The following MRPS25 variants were observed in gnomAD, a reference collection of about 807,000 sequenced individuals.
MRPS25 encodes the protein small ribosomal subunit protein mS25.
A neutral mutation model predicts 17.3 loss-of-function variants in MRPS25; 15 were observed. The observed-to-expected ratio is 0.87, with a 90% CI of 0.58 to 1.34. The LOEUF (loss-of-function observed/expected upper bound fraction) is 1.34, where lower values mean the gene tolerates loss of function less well. MRPS25 is among the 40% of genes most tolerant of loss of function. The pLI is 0.00. For missense variants in MRPS25, 225 were observed against 218.6 expected, an observed-to-expected ratio of 1.03 and a Z score of -0.19; for synonymous variants, 94 against 83.3, an observed-to-expected ratio of 1.13 and a Z score of -0.70.
At chr3:15,061,817 G>T (rs990548160) in intron 1 of MRPS25, among the ~76,000 whole-genome samples, 9 of 151,698 alleles carry the variant, frequency 5.9e-5, no homozygotes, top group Admixed American at 5.9e-4. Context: ...GAGCGCCTCT[G>T]CCCGGCCGCG....
rs2276753 is a variant in MRPS25 at position 15,065,004 on chromosome 3, G to T, written c.134+57C>A. 7.7e-4 allele frequency: 1,194 copies of T among 1,554,434 alleles called. 13 individuals carry two copies. The East Asian group carries it at 0.023, about 30-fold the overall frequency. On this transcript the variant is annotated intron_variant, in intron 1 of 3. Coordinates refer to ENST00000253686, the MANE Select transcript of MRPS25 (RefSeq NM_022497.5). ...AGCGACTCGGGACCTCACGTTACCA[G>T]CAGGCTGGCACGACTAGCAGGTTAC...
intron 2 of MRPS25, among the ~76,000 whole-genome samples, chr3:15,058,620 A>G (rs943206353): frequency 6.6e-6 from 1 of 152,248 alleles, no homozygotes; most frequent in Non-Finnish European, 1.5e-5. Flanking sequence ...CCTAGGGAAC[A>G]TGTGTTACAT....
chr3:15,058,128 A>G (rs925556733), intron 2 of MRPS25, among the ~76,000 whole-genome samples: 1 of 152,110 alleles, frequency 6.6e-6, no homozygotes, highest in Non-Finnish European at 1.5e-5. Context: ...CACCATCTTC[A>G]GCCTCCCAAA....
At chr3:15,045,543 G>A (rs2042418938), downstream of MRPS25, 1 of 151,254 alleles carries the variant, frequency 6.6e-6, no homozygotes, top group African/African-American at 2.4e-5. Context: ...GATCCTCTTG[G>A]CCTTACTTTG....
At chr3:15,044,928 A>G (rs542363295), downstream of MRPS25, 3 of 152,384 alleles carry the variant, frequency 2.0e-5, no homozygotes, top group South Asian at 6.2e-4. Context: ...ATTTAATTAT[A>G]TCATTTTATA....
At chr3:15,063,787 G>A (rs189853060) in intron 1 of MRPS25, among the ~76,000 whole-genome samples, 1 of 152,204 alleles carries the variant, frequency 6.6e-6, no homozygotes, top group African/African-American at 2.4e-5. Context: ...AGGGCCCTCT[G>A]GATAGGGCAT....
Position 15,053,288 on chromosome 3 carries a change from T to C in MRPS25, c.329+92A>G. ...TCTGGCGTTCACTGTCAGAGAATCT[T>C]ACCTCTCAACACCCTTCCCACACAC... On this transcript the variant is annotated intron_variant, in intron 3 of 3. Transcript: ENST00000253686. 4 of 1,580,442 alleles carry C rather than the reference T, an allele frequency of 2.5e-6. No homozygotes were observed. The South Asian group carries it at 4.6e-5, about 18-fold the overall frequency.
In MRPS25 at chr3:15,050,144, T is replaced by TAGCCTAC. The variant is rs2125130487; in HGVS notation, c.*2290_*2296dup. 1 of 1,349,714 alleles carries TAGCCTAC rather than the reference T, an allele frequency of 7.4e-7. No homozygotes were observed. The highest frequency in any genetic ancestry group is 1.5e-5 in the African/African-American group (1 of 65,120). 83.6% of individuals were successfully genotyped at this position (1,349,714 alleles called of 1,614,324 possible). A position where few individuals can be genotyped will look rare whatever the true frequency, so the allele number is the denominator to read the frequency against. On this transcript the variant is annotated 3_prime_UTR_variant, in exon 4 of 4. Coordinates refer to ENST00000253686, the MANE Select transcript of MRPS25 (RefSeq NM_022497.5). The stretch of plus-strand genomic sequence containing the variant: ...TAAAGAGAAACTATCCAGGATCAAG[T>TAGCCTAC]AGCCTACAGGGAACAAAAAAAGAAA...
At chr3:15,053,791 A>C (rs558794242) in intron 2 of MRPS25, among the ~76,000 whole-genome samples, 132 of 152,256 alleles carry the variant, frequency 8.7e-4, no homozygotes, top group African/African-American at 2.8e-3. Flanking sequence ...TCAAAATCCC[A>C]AGCGGTGTTT....
Position 15,065,109 on chromosome 3 carries a change from A to G in MRPS25, c.86T>C (p.Val29Ala). ...GNVVFKDSVK[V>A]MTVNYNTHGE... ...ATGCGTGTTGTAATTCACTGTCATGACCTTCACGGAGTCCTTGAACACCAC... is the reference window on the plus strand; with the variant it reads ...ATGCGTGTTGTAATTCACTGTCATGGCCTTCACGGAGTCCTTGAACACCAC... The change falls in exon 1 of 4, where the codon GTC (valine) becomes GCC (alanine). Residue 29 changes from valine (V) to alanine (A), a missense_variant. By Grantham distance (64) the Val-to-Ala change is moderately conservative. Transcript: ENST00000253686. 1 of 1,608,928 alleles carries G rather than the reference A, an allele frequency of 6.2e-7. No homozygotes were observed. The highest frequency in any genetic ancestry group is 1.3e-5 in the African/African-American group (1 of 74,940).
chr3:15,055,069 T>C (rs1341584730), intron 2 of MRPS25, among the ~76,000 whole-genome samples: 4 of 152,252 alleles, frequency 2.6e-5, no homozygotes, highest in Admixed American at 1.3e-4. Context: ...GAGTCTCACA[T>C]GGTGGAAGCA....
chr3:15,062,429 A>C (rs866848541), intron 1 of MRPS25, among the ~76,000 whole-genome samples: 1 of 31,460 alleles, frequency 3.2e-5, no homozygotes, highest in Non-Finnish European at 7.1e-5. Context: ...CAGCCGCCCC[A>C]TCCGGGAGGG....
downstream of MRPS25, chr3:15,042,732 GT>G: frequency 5.9e-6 from 6 of 1,008,646 alleles, no homozygotes; most frequent in Non-Finnish European, 8.9e-6. Flanking sequence ...GATCCGTTTG[GT>G]TTGATTCTGT....
chr3:15,043,614 T>C (rs372806098), downstream of MRPS25: 3 of 152,704 alleles, frequency 2.0e-5, no homozygotes, highest in African/African-American at 7.2e-5. Context: ...TGTTGTGGAG[T>C]TGAGCTGAAT....
intron 3 of MRPS25, among the ~76,000 whole-genome samples, chr3:15,053,087 TAG>T (rs2042626318): frequency 6.6e-6 from 1 of 152,164 alleles, no homozygotes. Flanking sequence ...AGAGATGGGT[TAG>T]CAGCTGCACA....
chr3:15,055,511 A>G lies in MRPS25; in HGVS notation c.242-2044T>C, dbSNP rs113000304. Among the ~76,000 whole-genome samples, 1,026 of 152,344 alleles carry G rather than the reference A, an allele frequency of 6.7e-3. 10 individuals are homozygous for G. Among genetic ancestry groups the G allele is most frequent in the Admixed American group, 0.025 (390 of 15,302 alleles). On this transcript the variant is annotated intron_variant, in intron 2 of 3. Transcript: ENST00000253686. Reference sequence around the variant, plus strand: ...ACAGGAACTCTCATAGGTCGCTAGTAGAAATGCAAAATATTACTGCCACAT... The same window carrying G: ...ACAGGAACTCTCATAGGTCGCTAGTGGAAATGCAAAATATTACTGCCACAT...
chr3:15,064,946 G>A (rs1237790547), intron 1 of MRPS25, 115 bp downstream of exon 1: 1 of 1,358,090 alleles, frequency 7.4e-7, no homozygotes, highest in Non-Finnish European at 9.9e-7. Context: ...CGCCGACCTG[G>A]GGGGCCCGCC....
At chr3:15,053,329 A>G in intron 3 of MRPS25, 51 bp downstream of exon 3, 1 of 1,613,118 alleles carries the variant, frequency 6.2e-7, no homozygotes, top group Non-Finnish European at 8.5e-7. Flanking sequence ...TCTTCCTCAA[A>G]TTCTCTGGGC....
rs2042615312 is a variant in MRPS25, at chr3:15,052,275, C to G, written c.*166G>C. 7 of 1,392,726 alleles carry G rather than the reference C, an allele frequency of 5.0e-6. No homozygotes were observed. Among genetic ancestry groups the G allele is most frequent in the Non-Finnish European group, 6.5e-6 (7 of 1,075,196 alleles). The allele number at this position is 1,392,726 out of a possible 1,614,324, so 86.3% of individuals were successfully genotyped here. A position where few individuals can be genotyped will look rare whatever the true frequency, so the allele number is the denominator to read the frequency against. ...TCATTTAGCAGCTCAGCTTCAGACC[C>G]TCCTCTCCCACATCCTTTTACACAG... is the stretch of plus-strand genomic sequence containing the variant. On this transcript the variant is annotated 3_prime_UTR_variant, in exon 4 of 4. Transcript: ENST00000253686.
Sources: gnomAD v4.1 joint callset for allele counts (sites outside exome capture counted in the v4.1 genomes callset) on GRCh38, gnomAD v4.1.1 for gene constraint, MANE v1.5 for transcripts, NCBI Gene and HGNC (gene_info 2026-07-23, HGNC 2026-07-21) for gene names.